The following WWOX variants were observed in gnomAD, a reference collection of about 807,000 sequenced individuals.
WWOX encodes the protein WW domain-containing oxidoreductase.
Under a neutral mutation model 46.2 loss-of-function variants are expected in WWOX, and 69 were observed. The observed-to-expected ratio is 1.49, with a 90% CI of 1.23 to 1.82. The LOEUF is 1.82. Among genes scored for constraint, WWOX ranks in the 40% most tolerant of loss-of-function variants. WWOX has a pLI of 0.00. For missense variants in WWOX, 919 were observed against 542.6 expected, an observed-to-expected ratio of 1.69 and a Z score of -6.89; for synonymous variants, 359 against 202.6, an observed-to-expected ratio of 1.77 and a Z score of -6.56.
chr16:79,027,106 C>A (rs533117514), intron 8 of WWOX, among the ~76,000 whole-genome samples: 4 of 150,968 alleles, frequency 2.6e-5, no homozygotes, highest in South Asian at 2.1e-4. Flanking sequence ...ATGGTGAGAC[C>A]CCATCTCTAC....
chr16:79,164,099 G>A (rs770989045), intron 8 of WWOX, among the ~76,000 whole-genome samples: 1 of 152,116 alleles, frequency 6.6e-6, no homozygotes, highest in Admixed American at 6.5e-5. Flanking sequence ...GCTTTTCCTC[G>A]GTGCCACTTT....
chr16:78,152,668 G>A (rs1055508517), intron 4 of WWOX, among the ~76,000 whole-genome samples: 3 of 152,208 alleles, frequency 2.0e-5, no homozygotes, highest in African/African-American at 4.8e-5. Flanking sequence ...AACCAGGACT[G>A]TCACTGGCAG....
intron 8 of WWOX, among the ~76,000 whole-genome samples, chr16:78,512,093 C>A (rs1347236632): frequency 6.6e-6 from 1 of 152,174 alleles, no homozygotes; most frequent in Non-Finnish European, 1.5e-5. Context: ...CTTAGCAATG[C>A]AACTTGCACT....
intron 8 of WWOX, among the ~76,000 whole-genome samples, chr16:78,472,636 G>T (rs142280556): frequency 6.6e-6 from 1 of 151,600 alleles, no homozygotes; most frequent in Non-Finnish European, 1.5e-5. Flanking sequence ...TGTTGAAACC[G>T]TTTCTCTACT....
intron 8 of WWOX, among the ~76,000 whole-genome samples, chr16:78,724,040 G>A (rs891532949): frequency 6.6e-6 from 1 of 152,090 alleles, no homozygotes; most frequent in Non-Finnish European, 1.5e-5. Context: ...CATGTTTTCT[G>A]GGCCAGGACT....
At chr16:78,382,543 C>T (rs1479699115) in intron 5 of WWOX, among the ~76,000 whole-genome samples, 1 of 152,160 alleles carries the variant, frequency 6.6e-6, no homozygotes, top group East Asian at 1.9e-4. Flanking sequence ...TGCAGAGGAT[C>T]TTGTGAGCCA....
intron 4 of WWOX, 45 bp from the exon 5 acceptor site, chr16:78,164,138 T>G: frequency 6.5e-7 from 1 of 1,544,498 alleles, no homozygotes; most frequent in Non-Finnish European, 8.9e-7. Flanking sequence ...TGACTCACTG[T>G]GTTGATGTTA....
intron 5 of WWOX, chr16:78,265,864 A>G (rs185659883): frequency 1.5e-3 from 223 of 152,282 alleles, no homozygotes; most frequent in African/African-American, 4.9e-3. Flanking sequence ...TCTATCCTGT[A>G]TCCAGTACAA....
chr16:79,073,616 T>C (rs1050898264), intron 8 of WWOX, among the ~76,000 whole-genome samples: 3 of 152,212 alleles, frequency 2.0e-5, no homozygotes, highest in Non-Finnish European at 4.4e-5. Context: ...ATGTCTGTTC[T>C]CCCTTTATTA....
At chr16:78,799,779 A>G (rs1383765955) in intron 8 of WWOX, among the ~76,000 whole-genome samples, 3 of 152,232 alleles carry the variant, frequency 2.0e-5, no homozygotes, top group Non-Finnish European at 2.9e-5. Flanking sequence ...TTGGGAGAAC[A>G]AATTTATTTA....
chr16:79,090,898 A>G (rs1007645874), intron 8 of WWOX, among the ~76,000 whole-genome samples: 33 of 152,172 alleles, frequency 2.2e-4, no homozygotes, highest in Non-Finnish European at 4.4e-5. Context: ...GGTTCAAACA[A>G]TTGTCCTGCC....
At chr16:78,709,613 A>T (rs2048396333) in intron 8 of WWOX, among the ~76,000 whole-genome samples, 1 of 152,098 alleles carries the variant, frequency 6.6e-6, no homozygotes, top group African/African-American at 2.4e-5. Context: ...TGCTGTGGGT[A>T]CCTTCACATT....
intron 4 of WWOX, among the ~76,000 whole-genome samples, chr16:78,139,416 C>T (rs890366520): frequency 6.6e-6 from 1 of 152,136 alleles, no homozygotes; most frequent in Admixed American, 6.5e-5. Context: ...GAGGCCAAGG[C>T]AGGTGAATCA....
chr16:78,404,544 G>C (rs972219587), intron 6 of WWOX, among the ~76,000 whole-genome samples: 1 of 152,098 alleles, frequency 6.6e-6, no homozygotes, highest in Admixed American at 6.5e-5. Flanking sequence ...ACTTTCTCTT[G>C]TGGAGTTCGC....
intron 8 of WWOX, chr16:78,890,459 C>T (rs148423730): frequency 6.6e-6 from 1 of 151,892 alleles, no homozygotes; most frequent in African/African-American, 2.4e-5. Context: ...TTCCCCCAGC[C>T]CCAGTCAGGA....
chr16:78,878,664 T>G (rs1041525081), intron 8 of WWOX, among the ~76,000 whole-genome samples: 1 of 152,134 alleles, frequency 6.6e-6, no homozygotes, highest in African/African-American at 2.4e-5. Context: ...CTGTAAATGT[T>G]ACCCATTTTA....
intron 8 of WWOX, among the ~76,000 whole-genome samples, chr16:78,531,399 G>C (rs1445590889): frequency 6.6e-6 from 1 of 152,188 alleles, no homozygotes; most frequent in South Asian, 2.1e-4. Flanking sequence ...TGTGCACCCT[G>C]TTTGGTTGAA....
At chr16:78,931,248 A>G (rs1031062161) in intron 8 of WWOX, among the ~76,000 whole-genome samples, 1 of 152,092 alleles carries the variant, frequency 6.6e-6, no homozygotes, top group African/African-American at 2.4e-5. Flanking sequence ...GTGGGGAGGG[A>G]TAATGGGAAC....
At chr16:78,378,809 T>G (rs1328652281) in intron 5 of WWOX, among the ~76,000 whole-genome samples, 1 of 152,146 alleles carries the variant, frequency 6.6e-6, no homozygotes, top group African/African-American at 2.4e-5. Flanking sequence ...GCTTACATTT[T>G]CTCCTTCAGC....
Sources: allele counts gnomAD v4.1 joint callset (sites outside exome capture counted in the v4.1 genomes callset), GRCh38; gene constraint gnomAD v4.1.1; transcripts MANE v1.5; gene names NCBI Gene and HGNC (gene_info 2026-07-23, HGNC 2026-07-21).